The following ADGRL2 variants were observed in gnomAD, a reference collection of about 807,000 sequenced individuals.
ADGRL2 encodes adhesion G protein-coupled receptor L2, also known as calcium-independent alpha-latrotoxin receptor 2.
A neutral mutation model predicts 157.4 loss-of-function variants in ADGRL2; 44 were observed. The ratio of observed to expected loss-of-function variants is 0.28; its 90% CI spans 0.22 to 0.36. ADGRL2 has a LOEUF of 0.36. Among genes scored for constraint, ADGRL2 ranks in the 10% least tolerant of loss-of-function variants. ADGRL2 has a pLI of 1.00. For missense variants in ADGRL2, 1,510 were observed against 1,768.9 expected (o/e 0.85, Z 2.63); for synonymous variants, 585 against 624.7 (o/e 0.94, Z 0.95).
intron 1 of ADGRL2, among the ~76,000 whole-genome samples, chr1:81,371,864 T>C (rs2076166392): frequency 6.6e-6 from 1 of 152,168 alleles, no homozygotes. Flanking sequence ...CTGGGAATAT[T>C]GAAATAAACA....
intron 3 of ADGRL2, among the ~76,000 whole-genome samples, chr1:81,655,786 C>T (rs978938920): frequency 4.7e-5 from 7 of 148,694 alleles, no homozygotes; most frequent in Non-Finnish European, 6.0e-5. Context: ...GATCTCCCTC[C>T]GCCCAAATGG....
chr1:81,768,639 A>G (rs960260701), intron 2 of ADGRL2, among the ~76,000 whole-genome samples: 16 of 151,806 alleles, frequency 1.1e-4, no homozygotes, highest in Non-Finnish European at 1.9e-4. Flanking sequence ...TGCCCAGCTA[A>G]TTTTTAAATT....
intron 1 of ADGRL2, among the ~76,000 whole-genome samples, chr1:81,323,214 C>T (rs1660654058): frequency 6.6e-6 from 1 of 151,394 alleles, no homozygotes; most frequent in African/African-American, 2.4e-5. Context: ...ATAACATAAA[C>T]ACAGAAAATA....
intron 2 of ADGRL2, among the ~76,000 whole-genome samples, chr1:81,519,602 T>C (rs1267026979): frequency 6.6e-6 from 1 of 152,216 alleles, no homozygotes; most frequent in Admixed American, 6.5e-5. Context: ...ATAATGATGA[T>C]GATAATAACT....
At chr1:81,908,914 G>C (rs1364390803) in intron 3 of ADGRL2, among the ~76,000 whole-genome samples, 2 of 144,822 alleles carry the variant, frequency 1.4e-5, no homozygotes, top group African/African-American at 5.1e-5. Context: ...TCACTCTGTT[G>C]CCCAGGCTGG....
intron 1 of ADGRL2, among the ~76,000 whole-genome samples, chr1:81,308,301 A>T (rs970807574): frequency 1.3e-5 from 2 of 152,170 alleles, no homozygotes; most frequent in East Asian, 3.8e-4. Context: ...TCGCTGGAGA[A>T]TTCCATTCAC....
At chr1:81,962,328 A>C (rs968812268) in intron 11 of ADGRL2, among the ~76,000 whole-genome samples, 2 of 151,926 alleles carry the variant, frequency 1.3e-5, no homozygotes, top group Non-Finnish European at 2.9e-5. Context: ...CTCTCCTATG[A>C]ATTTATTGTT....
chr1:81,559,268 T>A (rs548167983), intron 2 of ADGRL2, among the ~76,000 whole-genome samples: 1 of 152,136 alleles, frequency 6.6e-6, no homozygotes, highest in Non-Finnish European at 1.5e-5. Flanking sequence ...CTAATTAATA[T>A]AAAATTAATG....
chr1:81,952,179 T>C (rs746145845), intron 9 of ADGRL2, 37 bp downstream of exon 9: 1 of 1,512,028 alleles, frequency 6.6e-7, no homozygotes, highest in Admixed American at 1.8e-5. Flanking sequence ...AATTAGACAC[T>C]TGGTATGGCA....
chr1:81,480,229 C>A (rs931188837), intron 2 of ADGRL2, among the ~76,000 whole-genome samples: 1 of 152,170 alleles, frequency 6.6e-6, no homozygotes, highest in Non-Finnish European at 1.5e-5. Context: ...GGTGGATGAA[C>A]TTTTCAGAGA....
chr1:81,445,288 C>T (rs1349273754), intron 2 of ADGRL2, among the ~76,000 whole-genome samples: 3 of 152,170 alleles, frequency 2.0e-5, no homozygotes, highest in African/African-American at 7.2e-5. Context: ...GGTTACCTCT[C>T]TCCATGAGTC....
intron 2 of ADGRL2, among the ~76,000 whole-genome samples, chr1:81,518,571 A>G (rs1360224851): frequency 2.6e-5 from 4 of 152,176 alleles, no homozygotes; most frequent in Admixed American, 6.5e-5. Context: ...ATTTGATAAG[A>G]CAGACAGTGT....
intron 1 of ADGRL2, among the ~76,000 whole-genome samples, chr1:81,376,065 A>T (rs1429228344): frequency 5.9e-5 from 9 of 152,036 alleles, no homozygotes; most frequent in Non-Finnish European, 1.3e-4. Flanking sequence ...GACCCCTGCC[A>T]CTCCTGGCAT....
chr1:81,910,273 A>ATAC lies in ADGRL2; in HGVS notation c.287+3047_287+3049dup, dbSNP rs1217819195. 7.4e-5 allele frequency among the ~76,000 whole-genome samples: 11 copies of ATAC among 147,788 alleles called. No homozygotes were observed. The South Asian group carries it at 1.3e-3, about 17-fold the overall frequency. The stretch of plus-strand genomic sequence containing the variant: ...AATAATAATAATAATAATAATAATA[A>ATAC]TACTACAATTGAGAAAGGTAGAGAT... On this transcript the variant is annotated intron_variant, in intron 3 of 23. Coordinates refer to ENST00000686636, the MANE Select transcript of ADGRL2 (RefSeq NM_001366006.2).
intron 1 of ADGRL2, among the ~76,000 whole-genome samples, chr1:81,431,776 T>C (rs2077326099): frequency 6.6e-6 from 1 of 152,196 alleles, no homozygotes; most frequent in African/African-American, 2.4e-5. Context: ...TGGGCTTCAA[T>C]GCTAATAAGG....
In ADGRL2 at chr1:81,473,928, A is replaced by G. The variant is rs1384903006; in HGVS notation, c.-248+28839A>G. Among the ~76,000 whole-genome samples, 5 of 152,222 alleles carry G rather than the reference A, an allele frequency of 3.3e-5. No homozygotes were observed. The South Asian group carries it at 6.2e-4, about 19-fold the overall frequency. On this transcript the variant is annotated intron_variant, in intron 2 of 24. Transcript: ENST00000370721. ...CTCTTGGGAGGCTCTTTTCCTTGGT[A>G]TGTGGAGTTGAGTGTCCACAGAGCT...
intron 2 of ADGRL2, among the ~76,000 whole-genome samples, chr1:81,445,990 C>T (rs1272981446): frequency 6.6e-6 from 1 of 152,168 alleles, no homozygotes; most frequent in Non-Finnish European, 1.5e-5. Context: ...ATTTTTCAAC[C>T]TCCTCACCTT....
chr1:81,596,432 C>A (rs769649191), intron 3 of ADGRL2: 76 of 459,698 alleles, frequency 1.7e-4, no homozygotes, highest in Middle Eastern at 7.8e-4. Flanking sequence ...CATTGCAGCT[C>A]GTTAGAGTGA....
chr1:81,949,048 T>C (rs147911939), intron 6 of ADGRL2, among the ~76,000 whole-genome samples: 1 of 152,202 alleles, frequency 6.6e-6, no homozygotes, highest in African/African-American at 2.4e-5. Flanking sequence ...TATTCTAGCT[T>C]ATTATCTCAT....
Sources: gnomAD v4.1 joint callset for allele counts (sites outside exome capture counted in the v4.1 genomes callset) on GRCh38, gnomAD v4.1.1 for gene constraint, MANE v1.5 for transcripts, NCBI Gene and HGNC (gene_info 2026-07-23, HGNC 2026-07-21) for gene names.